Variants in ASIC5 observed in about 807,000 individuals in gnomAD.
ASIC5 encodes the protein acid sensing ion channel subunit family member 5, also known as bile acid-sensitive ion channel.
A neutral mutation model predicts 51.2 loss-of-function variants in ASIC5; 52 were observed. The observed-to-expected ratio is 1.02, with a 90% CI of 0.81 to 1.28. The LOEUF (loss-of-function observed/expected upper bound fraction) is 1.28. Ranked by LOEUF, ASIC5 falls within the 50% of genes most tolerant of loss-of-function variation. ASIC5 has a pLI of 0.00. For missense variants in ASIC5, 635 were observed against 595.0 expected (o/e 1.07, Z -0.70); for synonymous variants, 231 against 200.7 (o/e 1.15, Z -1.28).
chr4:155,842,699 A>G (rs1322819471), intron 5 of ASIC5, among the ~76,000 whole-genome samples: 1 of 152,158 alleles, frequency 6.6e-6, no homozygotes, highest in Non-Finnish European at 1.5e-5. Context: ...ATCACATTTT[A>G]AAAAGATCCT....
At chr4:155,856,068 C>G (rs569348499) in intron 2 of ASIC5, among the ~76,000 whole-genome samples, 1 of 152,186 alleles carries the variant, frequency 6.6e-6, no homozygotes, top group South Asian at 2.1e-4. Flanking sequence ...CTACTATAAC[C>G]TGTATAACCT....
intron 3 of ASIC5, among the ~76,000 whole-genome samples, chr4:155,853,545 A>G (rs1437417891): frequency 6.8e-6 from 1 of 146,718 alleles, no homozygotes; most frequent in Admixed American, 6.9e-5. Flanking sequence ...GTTATGAGTG[A>G]ATGTTTATTA....
At position 155,863,558 on chromosome 4, in the gene ASIC5, C is replaced by G; in HGVS notation, c.237G>C (p.Gln79His). Residue 79 changes from glutamine (Q) to histidine (H), a missense_variant, in exon 2 of 10, where the codon CAG (glutamine) becomes CAC (histidine). Physicochemically the swap from Gln to His is conservative, Grantham distance 24 (BLOSUM62 0). Coordinates refer to ENST00000537611, the MANE Select transcript of ASIC5 (RefSeq NM_017419.3). ...AGTAGTTGAGCAAGCGAATGTAGAT[C>G]TGCCATGTCACAAGTGAGACTGAGC... ...VLGSVSLVTW[Q>H]IYIRLLNYFT... 6.2e-7 allele frequency: 1 copy of G among 1,613,780 alleles called. No homozygotes were observed. The highest frequency in any genetic ancestry group is 8.5e-7 in the Non-Finnish European group (1 of 1,179,880).
intron 2 of ASIC5, chr4:155,854,711 T>C: frequency 5.5e-6 from 1 of 182,412 alleles, no homozygotes; most frequent in South Asian, 1.3e-4. Flanking sequence ...CTTGTATATA[T>C]GTGAGTTTCA....
At chr4:155,840,418 TA>T (rs1741088949) in intron 6 of ASIC5, among the ~76,000 whole-genome samples, 1 of 147,662 alleles carries the variant, frequency 6.8e-6, no homozygotes, top group Admixed American at 6.8e-5. Flanking sequence ...TTACTTTTAT[TA>T]TTTTTTATAT....
At chr4:155,848,251 T>A (rs1741301262) in intron 4 of ASIC5, among the ~76,000 whole-genome samples, 1 of 152,100 alleles carries the variant, frequency 6.6e-6, no homozygotes, top group Admixed American at 6.6e-5. Context: ...TCAAGTATTT[T>A]ACACCTTTGA....
intron 2 of ASIC5, chr4:155,855,008 T>A (rs1301961716): frequency 6.6e-6 from 1 of 152,164 alleles, no homozygotes; most frequent in Non-Finnish European, 1.5e-5. Context: ...CTGCTGGCCC[T>A]GCTTACTTCA....
intron 9 of ASIC5, 55 bp downstream of exon 9, chr4:155,831,769 G>T: frequency 2.5e-6 from 3 of 1,188,094 alleles, no homozygotes; most frequent in Non-Finnish European, 2.5e-6. Context: ...GCGAGATTCT[G>T]TCTCAAAATA....
intron 6 of ASIC5, among the ~76,000 whole-genome samples, chr4:155,839,969 G>C (rs936386591): frequency 6.6e-6 from 1 of 152,118 alleles, no homozygotes; most frequent in Admixed American, 6.6e-5. Flanking sequence ...TTACCTCAGC[G>C]AATTTGTTTA....
At chr4:155,847,018 A>G (rs2111246389) in intron 4 of ASIC5, among the ~76,000 whole-genome samples, 1 of 152,172 alleles carries the variant, frequency 6.6e-6, no homozygotes, top group East Asian at 1.9e-4. Context: ...AAGACAGCTT[A>G]AAGAGAAATA....
rs1215307098 is a variant in ASIC5, at chr4:155,836,795, A to C, written c.1129T>G (p.Cys377Gly). Residue 377 changes from cysteine to glycine, a missense_variant, in exon 8 of 10, where the codon TGT (cysteine) becomes GGT (glycine). By Grantham distance (159) the Cys-to-Gly change is radical. Coordinates refer to ENST00000537611, the MANE Select transcript of ASIC5 (RefSeq NM_017419.3). ...GTGGCCGGGTATTCTATTTCTTCAC[A>C]AGAAACGGGGCAGCTAGAGTTATGT... ...GTHNSSCPVS[C>G]EEIEYPATIS... 6.2e-7 allele frequency: 1 copy of C among 1,608,548 alleles called. No individual in the cohort carries two copies. The highest frequency in any genetic ancestry group is 1.3e-5 in the African/African-American group (1 of 74,896).
intron 6 of ASIC5, 56 bp from the exon 7 acceptor site, chr4:155,838,925 C>A: frequency 1.0e-6 from 1 of 978,212 alleles, no homozygotes; most frequent in African/African-American, 1.7e-5. Flanking sequence ...AATAAGTGAT[C>A]TAATGACAAA....
chr4:155,843,377 C>A (rs937913967), intron 5 of ASIC5, among the ~76,000 whole-genome samples: 2 of 152,110 alleles, frequency 1.3e-5, no homozygotes, highest in African/African-American at 4.8e-5. Flanking sequence ...TTTTCTCCTT[C>A]CCAGATAGTC....
chr4:155,863,100 T>C (rs918691605), intron 2 of ASIC5, among the ~76,000 whole-genome samples: 2 of 152,122 alleles, frequency 1.3e-5, no homozygotes, highest in African/African-American at 2.4e-5. Context: ...TTCAGCACTT[T>C]GGGAGGCTGA....
At chr4:155,852,748 G>A (rs1237725522) in intron 3 of ASIC5, among the ~76,000 whole-genome samples, 1 of 151,854 alleles carries the variant, frequency 6.6e-6, no homozygotes, top group African/African-American at 2.4e-5. Context: ...AACCACTACA[G>A]AGGTGTGCAT....
chr4:155,832,179 A>G (rs564798217), intron 8 of ASIC5, among the ~76,000 whole-genome samples: 1 of 152,354 alleles, frequency 6.6e-6, no homozygotes, highest in African/African-American at 2.4e-5. Flanking sequence ...TATCTACTGA[A>G]TAAAATATTT....
At chr4:155,863,963 C>T (rs1299940391) in intron 1 of ASIC5, among the ~76,000 whole-genome samples, 1 of 152,096 alleles carries the variant, frequency 6.6e-6, no homozygotes, top group Non-Finnish European at 1.5e-5. Context: ...TGAGAAGATG[C>T]TAATGCTATT....
Position 155,863,545 on chromosome 4 carries a change from A to G in ASIC5, c.250T>C (p.Leu84=). The G allele has an allele frequency of 6.2e-7, 1 of 1,613,778 alleles. No homozygotes were observed. The highest frequency in any genetic ancestry group is 8.5e-7 in the Non-Finnish European group (1 of 1,179,878). ...SLVTWQIYIR[L]LNYFTWPTTT... ...GTTGGCCATGTGAAGTAGTTGAGCA[A>G]GCGAATGTAGATCTGCCATGTCACA... The change falls in exon 2 of 10, where the codon TTG becomes CTG. Residue 84 remains leucine (L), a synonymous_variant. Transcript: ENST00000537611.
At chr4:155,850,326 C>G (rs72956432) in intron 4 of ASIC5, among the ~76,000 whole-genome samples, 8,978 of 151,902 alleles carry the variant, frequency 0.059, 654 homozygotes, top group African/African-American at 0.18. Context: ...CTCCCTGCTT[C>G]AAGTTGTCCC....
Sources: gnomAD v4.1 joint callset for allele counts (sites outside exome capture counted in the v4.1 genomes callset) on GRCh38, gnomAD v4.1.1 for gene constraint, MANE v1.5 for transcripts, NCBI Gene and HGNC (gene_info 2026-07-23, HGNC 2026-07-21) for gene names.